The following SORD variants were observed in gnomAD, a reference collection of about 807,000 sequenced individuals.
SORD encodes the protein sorbitol dehydrogenase.
In SORD, 18 loss-of-function variants were observed where a neutral mutation model predicts 35.6. The observed-to-expected ratio is 0.51, with a 90% confidence interval of 0.35 to 0.75. SORD has a LOEUF of 0.75. Among genes scored for constraint, SORD ranks in the 30% least tolerant of loss-of-function variants. The pLI, the probability that SORD is intolerant of heterozygous loss-of-function variation, is 0.01. For synonymous variants in SORD, 106 were observed against 152.9 expected (o/e 0.69, Z 2.26); for missense variants, 250 against 390.2 (o/e 0.64, Z 3.03).
chr15:45,066,374 C>T (rs563705452), intron 5 of SORD, among the ~76,000 whole-genome samples: 15 of 151,670 alleles, frequency 9.9e-5, no homozygotes, highest in East Asian at 3.9e-4. Flanking sequence ...TACAGCAGCG[C>T]GATCTTGGCT....
chr15:45,026,438 G>A (rs1892669630), intron 1 of SORD, among the ~76,000 whole-genome samples: 1 of 152,156 alleles, frequency 6.6e-6, no homozygotes, highest in South Asian at 2.1e-4. Flanking sequence ...AGAGGAAGTG[G>A]GGAGAATTTG....
intron 3 of SORD, among the ~76,000 whole-genome samples, chr15:45,044,070 T>A (rs1369605085): frequency 1.3e-5 from 2 of 152,252 alleles, no homozygotes; most frequent in Non-Finnish European, 2.9e-5. Context: ...CTGTGTTAGT[T>A]ATAAAGGTCT....
chr15:45,045,834 T>A (rs1287473396), intron 3 of SORD, among the ~76,000 whole-genome samples: 1 of 152,030 alleles, frequency 6.6e-6, no homozygotes, highest in Non-Finnish European at 1.5e-5. Flanking sequence ...GGAGACCCTG[T>A]CTCTACAAAA....
At chr15:45,049,609 C>A (rs1348750250) in intron 3 of SORD, among the ~76,000 whole-genome samples, 15 of 152,162 alleles carry the variant, frequency 9.9e-5, no homozygotes, top group Admixed American at 9.8e-4. Context: ...TTGGTTAGCT[C>A]CCTTGGTCTT....
chr15:45,068,790 T>C (rs1893452999), intron 6 of SORD, 87 bp from the exon 7 acceptor site: 12 of 1,425,830 alleles, frequency 8.4e-6, no homozygotes, highest in Non-Finnish European at 1.1e-5. Context: ...CCATCAGATC[T>C]TACATCTCCA....
chr15:45,059,010 C>CT (rs1893260264), intron 3 of SORD, among the ~76,000 whole-genome samples: 1 of 152,224 alleles, frequency 6.6e-6, no homozygotes, highest in East Asian at 1.9e-4. Context: ...GGGGAGGAAA[C>CT]TTTTTCCTGG....
chr15:45,048,424 T>TAG (rs1235758307), intron 3 of SORD, among the ~76,000 whole-genome samples: 1 of 152,084 alleles, frequency 6.6e-6, no homozygotes, highest in African/African-American at 2.4e-5. Flanking sequence ...GAAAAACAAC[T>TAG]AGAGATGGAC....
Position 45,061,151 on chromosome 15 carries a change from T to C in SORD, c.350T>C (p.Ile117Thr). ...KMGRYNLSPS[I>T]FFCATPPDDG... ...GGCCGATACAATCTGTCACCTTCCA[T>C]CTTCTTCTGTGCCACGCCCCCCGAT... is the stretch of plus-strand genomic sequence containing the variant. Residue 117 changes from isoleucine to threonine, a missense_variant, in exon 4 of 9, where the codon ATC becomes ACC. Around this residue, in one of 8 missense-constraint regions of SORD, gnomAD observed 126 missense variants for 148.7 expected, o/e 0.85. Transcript: ENST00000267814. 1 of 1,614,042 alleles carries C rather than the reference T, an allele frequency of 6.2e-7. No individual in the cohort carries two copies. Among genetic ancestry groups the C allele is most frequent in the South Asian group, 1.1e-5 (1 of 91,008 alleles).
intron 5 of SORD, 42 bp from the exon 6 acceptor site, chr15:45,068,139 T>G (rs772416764): frequency 1.3e-5 from 20 of 1,497,400 alleles, no homozygotes; most frequent in Non-Finnish European, 1.9e-5. Context: ...AGAGCAGATG[T>G]TTAATATTTC....
chr15:45,039,638 G>C (rs140176812), intron 1 of SORD, among the ~76,000 whole-genome samples: 3,799 of 152,260 alleles, frequency 0.025, 194 homozygotes, highest in African/African-American at 0.087. Flanking sequence ...ACCTGTGAGA[G>C]GGGCCAAAAT....
At chr15:45,025,260 A>G (rs1425482852) in intron 1 of SORD, among the ~76,000 whole-genome samples, 2 of 152,196 alleles carry the variant, frequency 1.3e-5, no homozygotes, top group East Asian at 3.8e-4. Flanking sequence ...ACCTAGGCTC[A>G]GTTTGAGAAT....
At chr15:45,045,469 G>A (rs1370000640) in intron 3 of SORD, among the ~76,000 whole-genome samples, 1 of 150,046 alleles carries the variant, frequency 6.7e-6, no homozygotes, top group Non-Finnish European at 1.5e-5. Context: ...GGAGGTGGAG[G>A]TTGCAGTGAG....
At chr15:45,027,931 G>A (rs1394789450) in intron 1 of SORD, among the ~76,000 whole-genome samples, 1 of 152,210 alleles carries the variant, frequency 6.6e-6, no homozygotes, top group Non-Finnish European at 1.5e-5. Context: ...TTAATACAGG[G>A]CTTTACAAAC....
chr15:45,060,479 ACC>A (rs1356878070), intron 3 of SORD, among the ~76,000 whole-genome samples: 1 of 152,184 alleles, frequency 6.6e-6, no homozygotes. Flanking sequence ...TCTCTACTGT[ACC>A]AGAGTCCTCT....
intron 3 of SORD, among the ~76,000 whole-genome samples, chr15:45,055,409 C>G (rs984106241): frequency 6.6e-6 from 1 of 152,004 alleles, no homozygotes; most frequent in Non-Finnish European, 1.5e-5. Flanking sequence ...ATAAATTCCT[C>G]GACACATACA....
At chr15:45,043,589 CAGAT>C (rs1475648143) in intron 3 of SORD, among the ~76,000 whole-genome samples, 168 bp downstream of exon 3, 1 of 147,446 alleles carries the variant, frequency 6.8e-6, no homozygotes, top group Non-Finnish European at 1.5e-5. Flanking sequence ...CTGCAGCAGA[CAGAT>C]AGTTACTTAG....
chr15:45,031,397 A>G (rs1006682119), intron 1 of SORD, among the ~76,000 whole-genome samples: 16 of 151,960 alleles, frequency 1.1e-4, no homozygotes, highest in African/African-American at 3.9e-4. Flanking sequence ...ACTGATGAAC[A>G]GATTTGGATT....
intron 1 of SORD, chr15:45,036,205 C>A: frequency 5.1e-6 from 2 of 393,012 alleles, no homozygotes; most frequent in Admixed American, 3.1e-5. Context: ...ACACTCAATG[C>A]GAGGGTCCGC....
chr15:45,068,932 C>G lies in SORD; in HGVS notation c.666C>G (p.Leu222=), dbSNP rs760550699. Residue 222 remains leucine (L), a synonymous_variant, in exon 7 of 9, where the codon CTC becomes CTG. Transcript: ENST00000267814. ...KAKEIGADLV[L]QISKESPQEI... is the part of the protein sequence containing the mutation. ...AGGAGATTGGGGCTGATTTAGTCCT[C>G]CAGATCTCCAAGGAGAGCCCTCAGG... 4.4e-6 allele frequency: 7 copies of G among 1,587,878 alleles called. No individual in the cohort carries two copies. Among genetic ancestry groups the G allele is most frequent in the African/African-American group, 1.4e-5 (1 of 73,368 alleles).
Sources: gnomAD v4.1 joint callset for allele counts (sites outside exome capture counted in the v4.1 genomes callset) on GRCh38, gnomAD v4.1.1 for gene constraint, gnomAD v4.1.1 regional missense constraint, MANE v1.5 for transcripts, NCBI Gene and HGNC (gene_info 2026-07-23, HGNC 2026-07-21) for gene names.